Variants in PDE6A observed in about 807,000 individuals in gnomAD.
PDE6A encodes the protein phosphodiesterase 6A.
A neutral mutation model predicts 106.3 loss-of-function variants in PDE6A; 84 were observed. That is an observed-to-expected ratio of 0.79 (90% CI 0.66 to 0.95). The LOEUF (loss-of-function observed/expected upper bound fraction) is 0.95, where lower values mean the gene tolerates loss of function less well. Ranked by LOEUF, PDE6A falls within the 40% of genes least tolerant of loss-of-function variation. PDE6A has a pLI of 0.00. For missense variants in PDE6A, 1,052 were observed against 1,084.9 expected (o/e 0.97, Z 0.43); for synonymous variants, 394 against 386.6 (o/e 1.02, Z -0.23).
At chr5:149,881,566 A>G (rs1220776088) in intron 17 of PDE6A, among the ~76,000 whole-genome samples, 1 of 152,138 alleles carries the variant, frequency 6.6e-6, no homozygotes, top group Non-Finnish European at 1.5e-5. Context: ...GGACACAAAG[A>G]TGTCAACAAT....
At chr5:149,928,684 G>A (rs1163994093) in intron 4 of PDE6A, among the ~76,000 whole-genome samples, 3 of 152,280 alleles carry the variant, frequency 2.0e-5, no homozygotes, top group East Asian at 3.9e-4. Flanking sequence ...CCATGGTATA[G>A]GCGGGCCATC....
rs1333640363 is a variant in PDE6A, at chr5:149,934,652, G to A, written c.541C>T (p.Pro181Ser). 6.2e-7 allele frequency: 1 copy of A among 1,614,034 alleles called. No homozygotes were observed. Among genetic ancestry groups the A allele is most frequent in the South Asian group, 1.1e-5 (1 of 91,078 alleles). ...ACCACATCCTTCCCATTCATTATGG[G>A]GGAAGCCAAGATGTTCTTGGTCTTG... ...EYKTKNILAS[P>S]IMNGKDVVAI... The change falls in exon 2 of 22, where the codon CCC becomes TCC. Residue 181 changes from proline to serine, a missense_variant. Coordinates refer to ENST00000255266, the MANE Select transcript of PDE6A (RefSeq NM_000440.3).
chr5:149,889,821 C>T (rs1752475187), intron 13 of PDE6A, among the ~76,000 whole-genome samples: 2 of 150,788 alleles, frequency 1.3e-5, no homozygotes, highest in Admixed American at 6.6e-5. Flanking sequence ...ACAGGAGAAT[C>T]GCTTGAACCC....
intron 4 of PDE6A, among the ~76,000 whole-genome samples, chr5:149,922,517 G>A (rs1753753075): frequency 6.6e-6 from 1 of 151,888 alleles, no homozygotes. Context: ...TCACCATATT[G>A]GCCAGGCTAG....
At chr5:149,897,152 G>A (rs148189344) in intron 10 of PDE6A, among the ~76,000 whole-genome samples, 4 of 152,348 alleles carry the variant, frequency 2.6e-5, no homozygotes, top group East Asian at 1.9e-4. Context: ...CGCATAGTAA[G>A]CACTAACATA....
chr5:149,890,269 T>C (rs916399869), intron 13 of PDE6A, among the ~76,000 whole-genome samples: 2 of 152,228 alleles, frequency 1.3e-5, no homozygotes, highest in African/African-American at 4.8e-5. Context: ...AAAATCATAT[T>C]CTAAATTAAG....
At chr5:149,902,547 G>A (rs900555394) in intron 8 of PDE6A, among the ~76,000 whole-genome samples, 2 of 151,734 alleles carry the variant, frequency 1.3e-5, no homozygotes, top group African/African-American at 4.8e-5. Flanking sequence ...AAGGTCAGGC[G>A]CGGTAGCTCA....
At chr5:149,933,589 G>C (rs1358685526) in intron 3 of PDE6A, among the ~76,000 whole-genome samples, 1 of 152,162 alleles carries the variant, frequency 6.6e-6, no homozygotes. Context: ...GCATTATCTC[G>C]TTTACTATTG....
intron 17 of PDE6A, among the ~76,000 whole-genome samples, chr5:149,883,162 T>G (rs920186156): frequency 1.3e-5 from 2 of 152,248 alleles, no homozygotes; most frequent in Non-Finnish European, 2.9e-5. Context: ...ATCTTAGATA[T>G]TATGATTGAA....
Position 149,903,624 on chromosome 5 carries a change from G to C in PDE6A, c.1113+24C>G, listed in dbSNP as rs112161737. The C allele has an allele frequency of 2.4e-5, 39 of 1,591,844 alleles. 2 individuals are homozygous for C. The African/African-American group carries it at 2.7e-4, about 11-fold the overall frequency. On this transcript the variant is annotated intron_variant, in intron 8 of 21. Transcript: ENST00000255266. The stretch of plus-strand genomic sequence containing the variant: ...GGAGGAAAAAAAATCATATGACTAA[G>C]ACTGCAAATAAAAAATGACTTACCT...
intron 17 of PDE6A, among the ~76,000 whole-genome samples, chr5:149,872,417 C>A (rs913153259): frequency 2.0e-5 from 3 of 152,156 alleles, no homozygotes; most frequent in Non-Finnish European, 4.4e-5. Context: ...ATTATCAGCA[C>A]CTGCATTCAT....
At chr5:149,935,698 C>A (rs1174613885) in intron 1 of PDE6A, among the ~76,000 whole-genome samples, 1 of 152,184 alleles carries the variant, frequency 6.6e-6, no homozygotes, top group Non-Finnish European at 1.5e-5. Context: ...TTGAATTGTT[C>A]TCTTAAATTT....
At chr5:149,894,325 C>T (rs1752651829) in intron 13 of PDE6A, among the ~76,000 whole-genome samples, 1 of 151,982 alleles carries the variant, frequency 6.6e-6, no homozygotes, top group Non-Finnish European at 1.5e-5. Flanking sequence ...CTAGACACTG[C>T]CACAATTTAA....
intron 1 of PDE6A, among the ~76,000 whole-genome samples, chr5:149,940,638 C>T (rs1213478415): frequency 1.3e-5 from 2 of 152,002 alleles, no homozygotes; most frequent in Admixed American, 6.6e-5. Context: ...GCTGGGATTA[C>T]AGGCATGCAC....
rs113121572 is a variant in PDE6A at position 149,862,984 on chromosome 5, C to T, written c.2506+135G>A. ...GTCTCTTCCAGCCTTGGTGCTCTCACACACAGAATGGGGACAGTATTGGCC... is the reference window on the plus strand; with the variant it reads ...GTCTCTTCCAGCCTTGGTGCTCTCATACACAGAATGGGGACAGTATTGGCC... On this transcript the variant is annotated intron_variant, in intron 21 of 21. Coordinates refer to ENST00000255266, the MANE Select transcript of PDE6A (RefSeq NM_000440.3). The T allele has an allele frequency of 1.1e-3, 1,200 of 1,107,580 alleles. 13 individuals are homozygous for T. In the African/African-American group the frequency reaches 0.016, roughly 15 times the overall value. The allele number at this position is 1,107,580 out of a possible 1,614,324, so 68.6% of individuals were successfully genotyped here.
intron 6 of PDE6A, among the ~76,000 whole-genome samples, chr5:149,913,436 C>A (rs1472037216): frequency 6.6e-6 from 1 of 150,928 alleles, no homozygotes; most frequent in African/African-American, 2.4e-5. Context: ...ATGCAGGCAG[C>A]AATAAAGGAA....
At chr5:149,918,556 T>C (rs12153283) in intron 5 of PDE6A, among the ~76,000 whole-genome samples, 29,862 of 152,162 alleles carry the variant, frequency 0.2, 5,161 homozygotes, top group African/African-American at 0.45. Flanking sequence ...TCATATATTA[T>C]TTTTCCAACA....
intron 6 of PDE6A, among the ~76,000 whole-genome samples, chr5:149,911,890 A>ATGGTGGCT (rs1220571111): frequency 2.0e-5 from 3 of 150,550 alleles, no homozygotes; most frequent in African/African-American, 7.3e-5. Flanking sequence ...ATGGTGGCTC[A>ATGGTGGCT]CACCTGTAAT....
At chr5:149,878,974 A>G (rs974307820) in intron 17 of PDE6A, among the ~76,000 whole-genome samples, 11 of 152,130 alleles carry the variant, frequency 7.2e-5, no homozygotes, top group Non-Finnish European at 1.5e-4. Context: ...AGAAATCCTT[A>G]ATTTTTCATA....
Sources: gnomAD v4.1 joint callset for allele counts (sites outside exome capture counted in the v4.1 genomes callset) on GRCh38, gnomAD v4.1.1 for gene constraint, MANE v1.5 for transcripts, NCBI Gene and HGNC (gene_info 2026-07-23, HGNC 2026-07-21) for gene names.